The following SOBP variants were observed in gnomAD, a reference collection of about 807,000 sequenced individuals.
SOBP encodes the protein sine oculis-binding protein homolog.
SOBP carries 4 observed loss-of-function variants against 53.6 expected under a neutral mutation model. The ratio of observed to expected loss-of-function variants is 0.07; its 90% CI spans 0.04 to 0.17. The LOEUF (loss-of-function observed/expected upper bound fraction) is 0.17, where lower values mean the gene tolerates loss of function less well. SOBP is among the 10% of genes least tolerant of loss of function. The probability of loss-of-function intolerance (pLI) is 1.00; values close to 1 mark genes in which losing one functional copy is unlikely to be tolerated. For synonymous variants in SOBP, 584 were observed against 522.6 expected, an observed-to-expected ratio of 1.12 and a Z score of -1.60; for missense variants, 1,088 against 1,204.7, an observed-to-expected ratio of 0.90 and a Z score of 1.43.
At chr6:107,600,931 C>T (rs1786156581) in intron 5 of SOBP, among the ~76,000 whole-genome samples, 1 of 152,032 alleles carries the variant, frequency 6.6e-6, no homozygotes, top group South Asian at 2.1e-4. Context: ...TCATTATATA[C>T]TTTATATTAT....
rs961493601 is a variant in SOBP, at chr6:107,631,326, C to G, written c.670-2188C>G. ...AGAAGCTATTTTTGATCCTTCACTT[C>G]AAGCTTGTAAATTTGCACTGCAGGC... On this transcript the variant is annotated intron_variant, in intron 5 of 6. Transcript: ENST00000317357. Among the ~76,000 whole-genome samples, 5 of 152,152 alleles carry G rather than the reference C, an allele frequency of 3.3e-5. No individual in the cohort carries two copies. In the East Asian group the frequency reaches 7.7e-4, roughly 23 times the overall value.
chr6:107,585,342 T>G (rs1445875313), intron 4 of SOBP, among the ~76,000 whole-genome samples: 3 of 152,230 alleles, frequency 2.0e-5, no homozygotes. Context: ...CAATGGCATC[T>G]TCCTACTTTC....
intron 4 of SOBP, among the ~76,000 whole-genome samples, chr6:107,553,298 T>TTTTATTTATTTA (rs750735550): frequency 0.011 from 1,600 of 139,414 alleles, 11 homozygotes; most frequent in East Asian, 0.017. Context: ...CTTATTATTA[T>TTTTATTTATTTA]TTTATTTATT....
At chr6:107,627,678 T>C (rs769902751) in intron 5 of SOBP, among the ~76,000 whole-genome samples, 1 of 152,204 alleles carries the variant, frequency 6.6e-6, no homozygotes, top group Non-Finnish European at 1.5e-5. Flanking sequence ...AAAAGAACTA[T>C]GTAGCAAACA....
chr6:107,521,907 AAAACACACAC>A (rs1783502950), intron 3 of SOBP, among the ~76,000 whole-genome samples: 2 of 110,834 alleles, frequency 1.8e-5, no homozygotes, highest in Admixed American at 1.0e-4. Flanking sequence ...GACAGACATT[AAAACACACAC>A]ACACACACAC....
rs765193924 is a variant in SOBP, at chr6:107,634,661, T to A, written c.1817T>A (p.Leu606Gln). The change falls in exon 6 of 7, where the codon CTG becomes CAG. Residue 606 changes from leucine (L) to glutamine (Q), a missense_variant. Physicochemically the swap from Leu to Gln is moderately radical, Grantham distance 113. This residue lies in a region of SOBP where 665 missense variants were observed against 629.7 expected (regional missense o/e 1.06). Coordinates refer to ENST00000317357, the MANE Select transcript of SOBP (RefSeq NM_018013.4). The surrounding 1 kb of genome is among the most constrained non-coding windows in gnomAD (Gnocchi z 4.5). ...DSPPGCSGQA[L>Q]SLAPTPAEHG... ...CCCCCCGGCTGCTCGGGCCAGGCCC[T>A]GAGCCTGGCGCCCACGCCCGCCGAG... The A allele has an allele frequency of 1.0e-4, 157 of 1,552,840 alleles. No individual in the cohort carries two copies. Among genetic ancestry groups the A allele is most frequent in the Non-Finnish European group, 3.2e-5 (37 of 1,155,646 alleles).
Position 107,634,296 on chromosome 6 carries a change from G to T in SOBP, c.1452G>T (p.Pro484=). Residue 484 remains proline, a synonymous_variant, in exon 6 of 7, where the codon CCG becomes CCT. Transcript: ENST00000317357. The surrounding 1 kb of genome is among the most constrained non-coding windows in gnomAD (Gnocchi z 4.5). ...TGCCCCCGCCGCCTCCGGGCGCCCC[G>T]CTGCCGAGTCTTCCCTTCCCGCCAG... The part of the protein sequence containing the change: ...GLLPPPPPGA[P]LPSLPFPPVS... 4 of 1,554,250 alleles carry T rather than the reference G, an allele frequency of 2.6e-6. No homozygotes were observed. The highest frequency in any genetic ancestry group is 3.5e-6 in the Non-Finnish European group (4 of 1,158,056).
At chr6:107,508,970 A>G (rs1478128180) in intron 3 of SOBP, among the ~76,000 whole-genome samples, 1 of 152,182 alleles carries the variant, frequency 6.6e-6, no homozygotes, top group African/African-American at 2.4e-5. Flanking sequence ...TTGGGTTCAA[A>G]TCTAGGCTTT....
chr6:107,655,231 C>G (rs1326763350), intron 6 of SOBP, among the ~76,000 whole-genome samples: 1 of 152,104 alleles, frequency 6.6e-6, no homozygotes, highest in Non-Finnish European at 1.5e-5. Flanking sequence ...AACTTATTTC[C>G]TCCCCACTCT....
At chr6:107,570,259 A>G (rs73762266) in intron 4 of SOBP, among the ~76,000 whole-genome samples, 2,033 of 152,328 alleles carry the variant, frequency 0.013, 49 homozygotes, top group African/African-American at 0.046. Context: ...AACATCTTTC[A>G]TGATGAGATT....
At chr6:107,633,489 G>A (rs760127951) in intron 5 of SOBP, 25 bp from the exon 6 acceptor site, 49 of 1,614,090 alleles carry the variant, frequency 3.0e-5, no homozygotes, top group Non-Finnish European at 4.0e-5. Flanking sequence ...CTTACCTGTT[G>A]TGGTTTTTTA....
At chr6:107,599,927 G>A (rs1429424129) in intron 5 of SOBP, among the ~76,000 whole-genome samples, 1 of 152,180 alleles carries the variant, frequency 6.6e-6, no homozygotes, top group Non-Finnish European at 1.5e-5. Flanking sequence ...GCAAAATGTC[G>A]TTTAGTCAAA....
chr6:107,540,462 C>G (rs1784118698), intron 4 of SOBP, among the ~76,000 whole-genome samples: 1 of 152,230 alleles, frequency 6.6e-6, no homozygotes, highest in South Asian at 2.1e-4. Context: ...GGGAAATTCC[C>G]TATGTTACAA....
chr6:107,495,069 G>A (rs1018351108), intron 1 of SOBP, among the ~76,000 whole-genome samples: 1 of 152,166 alleles, frequency 6.6e-6, no homozygotes, highest in Non-Finnish European at 1.5e-5. Flanking sequence ...ACTCTATCCT[G>A]GTGTCAGAAG....
rs1782546684 is a variant in SOBP at position 107,490,431 on chromosome 6, C to G, written c.-186C>G. On this transcript the variant is annotated 5_prime_UTR_variant, in exon 1 of 7. Transcript: ENST00000317357. ...CGTGACAGCCACTGACGTCCTCCGC[C>G]GCTAGAAGAGACCCCGCTTCTCGGC... 1 of 557,634 alleles carries G rather than the reference C, an allele frequency of 1.8e-6. No individual in the cohort carries two copies. Among genetic ancestry groups the G allele is most frequent in the Non-Finnish European group, 3.2e-6 (1 of 313,002 alleles). 34.5% of individuals were successfully genotyped at this position (557,634 alleles called of 1,614,324 possible). A position where few individuals can be genotyped will look rare whatever the true frequency, so the allele number is the denominator to read the frequency against.
At chr6:107,638,069 T>TG (rs1326549809) in intron 6 of SOBP, among the ~76,000 whole-genome samples, 1 of 152,152 alleles carries the variant, frequency 6.6e-6, no homozygotes, top group Non-Finnish European at 1.5e-5. Context: ...TGATTTAAGA[T>TG]GGGGGAAAAA....
intron 4 of SOBP, among the ~76,000 whole-genome samples, chr6:107,535,481 C>T (rs1258112612): frequency 6.6e-6 from 1 of 152,154 alleles, no homozygotes; most frequent in Non-Finnish European, 1.5e-5. Flanking sequence ...CTGGAAGTTG[C>T]AGCAGTTTGG....
intron 5 of SOBP, among the ~76,000 whole-genome samples, chr6:107,625,922 A>G (rs758760841): frequency 6.6e-6 from 1 of 152,210 alleles, no homozygotes; most frequent in African/African-American, 2.4e-5. Flanking sequence ...TTTTTAACAC[A>G]TTAGTTTGAT....
chr6:107,516,197 C>T (rs1473588129), intron 3 of SOBP, among the ~76,000 whole-genome samples: 2 of 152,070 alleles, frequency 1.3e-5, no homozygotes, highest in Non-Finnish European at 2.9e-5. Flanking sequence ...CACAATGGCT[C>T]ATGCTTGTAA....
Sources: allele counts gnomAD v4.1 joint callset (sites outside exome capture counted in the v4.1 genomes callset), GRCh38; gene constraint gnomAD v4.1.1; regional missense constraint gnomAD v4.1.1; non-coding constraint Gnocchi (gnomAD v3.1); transcripts MANE v1.5; gene names NCBI Gene and HGNC (gene_info 2026-07-23, HGNC 2026-07-21).